The following GPM6B variants were observed in gnomAD, a reference collection of about 807,000 sequenced individuals.
GPM6B encodes the protein glycoprotein M6B.
GPM6B carries 4 observed loss-of-function variants against 27.2 expected under a neutral mutation model. The observed-to-expected ratio is 0.15, with a 90% CI of 0.07 to 0.34. GPM6B has a LOEUF of 0.34. GPM6B is among the 10% of genes least tolerant of loss of function. The pLI, the probability that GPM6B is intolerant of heterozygous loss-of-function variation, is 1.00. For synonymous variants in GPM6B, 124 were observed against 103.1 expected (o/e 1.20, Z -1.23); for missense variants, 183 against 261.9 (o/e 0.70, Z 2.08).
chrX:13,896,427 T>G (rs2050233290), intron 1 of GPM6B, among the ~76,000 whole-genome samples: 2 of 109,730 alleles, frequency 1.8e-5, no homozygotes, highest in Admixed American at 1.9e-4. Context: ...AGAAAACACA[T>G]TATGCCTAGA....
At chrX:13,919,805 T>G (rs767251078) in intron 1 of GPM6B, among the ~76,000 whole-genome samples, 30 of 110,799 alleles carry the variant, frequency 2.7e-4, no homozygotes, top group African/African-American at 9.6e-4. Context: ...AAATCAATAC[T>G]TACAGAGGAG....
chrX:13,861,050 A>G (rs2049842870), intron 1 of GPM6B, among the ~76,000 whole-genome samples: 1 of 103,548 alleles, frequency 9.7e-6, no homozygotes, highest in Non-Finnish European at 1.9e-5. Context: ...ACACATATAT[A>G]CATATATATA....
chrX:13,821,422 T>C (rs1281841179), upstream of GPM6B, among the ~76,000 whole-genome samples: 1 of 112,088 alleles, frequency 8.9e-6, no homozygotes, highest in Non-Finnish European at 1.9e-5. Context: ...ATTCAAATCA[T>C]TGATAGAAAT....
At chrX:13,931,200 C>A (rs1921504364) in intron 1 of GPM6B, among the ~76,000 whole-genome samples, 1 of 107,290 alleles carries the variant, frequency 9.3e-6, no homozygotes, top group South Asian at 4.1e-4. Context: ...AAAAACAAAA[C>A]AACAACAACA....
intron 2 of GPM6B, among the ~76,000 whole-genome samples, chrX:13,796,457 A>G (rs187376619): frequency 8.9e-6 from 1 of 112,286 alleles, no homozygotes; most frequent in Admixed American, 9.4e-5. Context: ...CTAAGCACAT[A>G]AAGGGACCTA....
intron 1 of GPM6B, among the ~76,000 whole-genome samples, chrX:13,857,991 A>G (rs757004965): frequency 8.9e-6 from 1 of 112,857 alleles, no homozygotes; most frequent in East Asian, 2.8e-4. Flanking sequence ...ACCAGGAAGC[A>G]CAGAGAAGGG....
At chrX:13,843,739 G>T (rs969036880) in intron 1 of GPM6B, among the ~76,000 whole-genome samples, 2 of 112,146 alleles carry the variant, frequency 1.8e-5, no homozygotes, top group Non-Finnish European at 3.8e-5. Flanking sequence ...ATTTTTTAGA[G>T]AAATGCCTAT....
chrX:13,799,194 T>C (rs1244953744), intron 2 of GPM6B, among the ~76,000 whole-genome samples: 1 of 7,544 alleles, frequency 1.3e-4, no homozygotes, highest in South Asian at 0.017. Flanking sequence ...AACCTAATTT[T>C]TTTTTTTTTT....
rs193083846 is a variant in GPM6B, at chrX:13,879,240, G to C, written c.-198+59087C>G. 6.9e-3 allele frequency among the ~76,000 whole-genome samples: 771 copies of C among 112,047 alleles called. 13 individuals are homozygous for C. The highest frequency in any genetic ancestry group is 0.024 in the African/African-American group (742 of 30,802). ...TATGATGTATCTAAACTAAAAATCT[G>C]TCTGCTTTCCGTAAGCAGGTCATAA... On this transcript the variant is annotated intron_variant, in intron 1 of 6. Transcript: ENST00000398361.
At chrX:13,916,576 C>T (rs1204805895) in intron 1 of GPM6B, among the ~76,000 whole-genome samples, 1 of 111,143 alleles carries the variant, frequency 9.0e-6, no homozygotes. Context: ...TGTTCCCAGG[C>T]ACCCACGCCA....
chrX:13,783,026 T>G (rs780962265), intron 4 of GPM6B, among the ~76,000 whole-genome samples: 4 of 112,000 alleles, frequency 3.6e-5, no homozygotes, highest in Non-Finnish European at 7.5e-5. Context: ...ATGGCTATGA[T>G]CCATATTTAA....
chrX:13,898,282 G>A (rs768920718), intron 1 of GPM6B, among the ~76,000 whole-genome samples: 53 of 112,193 alleles, frequency 4.7e-4, no homozygotes, highest in Non-Finnish European at 7.9e-4. Flanking sequence ...TAGTTATAAC[G>A]ACCAAAAATG....
upstream of GPM6B, chrX:13,817,203 C>A: frequency 4.8e-6 from 4 of 835,078 alleles, no homozygotes; most frequent in Non-Finnish European, 5.8e-6. Context: ...AGTCTCAATG[C>A]GGCTCCAGTG....
chrX:13,925,110 G>A (rs749775313), intron 1 of GPM6B, among the ~76,000 whole-genome samples: 1 of 111,708 alleles, frequency 9.0e-6, no homozygotes, highest in Non-Finnish European at 1.9e-5. Flanking sequence ...AGCCCATGAT[G>A]CATCCCATAC....
upstream of GPM6B, among the ~76,000 whole-genome samples, chrX:13,818,067 T>C (rs1569233088): frequency 8.9e-6 from 1 of 112,320 alleles, no homozygotes; most frequent in Non-Finnish European, 1.9e-5. Flanking sequence ...CCTTCTTGCA[T>C]ACCCAGATAC....
At chrX:13,819,663 T>G (rs1226227622), upstream of GPM6B, among the ~76,000 whole-genome samples, 1 of 111,781 alleles carries the variant, frequency 8.9e-6, no homozygotes, top group Non-Finnish European at 1.9e-5. Context: ...TGAAGTAACC[T>G]CCCTAGTGCC....
intron 1 of GPM6B, among the ~76,000 whole-genome samples, chrX:13,810,250 A>T: frequency 8.9e-6 from 1 of 112,446 alleles, no homozygotes; most frequent in Admixed American, 9.4e-5. Context: ...TGACAGAAAA[A>T]AAACAGAAGG....
intron 1 of GPM6B, among the ~76,000 whole-genome samples, chrX:13,842,433 A>G (rs908923608): frequency 1.8e-5 from 2 of 111,842 alleles, no homozygotes; most frequent in Non-Finnish European, 3.8e-5. Flanking sequence ...GTAGGAGCTC[A>G]GTGCATAGAA....
chrX:13,920,870 G>A (rs5980001), intron 1 of GPM6B, among the ~76,000 whole-genome samples: 2,217 of 104,399 alleles, frequency 0.021, 72 homozygotes, highest in African/African-American at 0.076. Flanking sequence ...CAGCCTGGGC[G>A]ATAGAGTGAG....
Sources: allele counts gnomAD v4.1 joint callset (sites outside exome capture counted in the v4.1 genomes callset), GRCh38; gene constraint gnomAD v4.1.1; transcripts MANE v1.5; gene names NCBI Gene and HGNC (gene_info 2026-07-23, HGNC 2026-07-21).